GDA: variants seen among roughly 807,000 people sequenced by gnomAD.
The protein encoded by GDA is cytoplasmic PSD-95 interactor.
GDA carries 18 observed loss-of-function variants against 59.6 expected under a neutral mutation model. The observed-to-expected ratio is 0.30, with a 90% CI of 0.21 to 0.45. The LOEUF is 0.45. Ranked by LOEUF, GDA falls within the 20% of genes least tolerant of loss-of-function variation. The pLI is 1.00. For missense variants in GDA, 427 were observed against 552.3 expected (o/e 0.77, Z 2.27); for synonymous variants, 201 against 201.1 (o/e 1.00, Z 0.00).
intron 3 of GDA, among the ~76,000 whole-genome samples, chr9:72,203,270 G>A (rs1040838134): frequency 2.0e-5 from 3 of 152,086 alleles, no homozygotes; most frequent in Admixed American, 2.0e-4. Flanking sequence ...AAATGCCCAA[G>A]GAAATTTAAA....
At chr9:72,259,026 C>CT (rs377688657), downstream of GDA, among the ~76,000 whole-genome samples, 15,714 of 139,972 alleles carry the variant, frequency 0.11, 996 homozygotes, top group South Asian at 0.14. Context: ...AATAATAACT[C>CT]TTTTTTTTTT....
chr9:72,143,524 A>G (rs910402268), intron 1 of GDA, among the ~76,000 whole-genome samples: 1 of 152,138 alleles, frequency 6.6e-6, no homozygotes, highest in Non-Finnish European at 1.5e-5. Context: ...CAGCAGTATG[A>G]GTAGGTGATG....
intron 1 of GDA, among the ~76,000 whole-genome samples, chr9:72,133,725 A>G (rs1313968302): frequency 6.6e-6 from 1 of 152,218 alleles, no homozygotes; most frequent in Non-Finnish European, 1.5e-5. Flanking sequence ...CTTCTTAGAA[A>G]TATTCTCCCA....
chr9:72,135,791 A>C (rs1165639227), intron 1 of GDA, among the ~76,000 whole-genome samples: 1 of 151,920 alleles, frequency 6.6e-6, no homozygotes, highest in African/African-American at 2.4e-5. Flanking sequence ...TCGTGTCTTC[A>C]GTGGAGACGG....
At chr9:72,161,426 G>A (rs1385967538) in intron 1 of GDA, among the ~76,000 whole-genome samples, 1 of 152,096 alleles carries the variant, frequency 6.6e-6, no homozygotes, top group Non-Finnish European at 1.5e-5. Context: ...CCAGTTGTTT[G>A]AATAAGAACT....
chr9:72,129,304 A>G (rs893027478), intron 1 of GDA, among the ~76,000 whole-genome samples: 1 of 152,190 alleles, frequency 6.6e-6, no homozygotes, highest in Non-Finnish European at 1.5e-5. Context: ...TTTCAACAGA[A>G]TAGACCAGCA....
At chr9:72,220,353 G>T (rs1160965697) in intron 6 of GDA, among the ~76,000 whole-genome samples, 5 of 152,012 alleles carry the variant, frequency 3.3e-5, no homozygotes, top group Non-Finnish European at 7.4e-5. Context: ...GATTTTAGTG[G>T]ATTTGTTTAG....
chr9:72,250,661 T>C lies in GDA; in HGVS notation c.*2319T>C, dbSNP rs59105418. On this transcript the variant is annotated 3_prime_UTR_variant, in exon 14 of 14. Transcript: ENST00000358399. Reference sequence around the variant, plus strand: ...ACTTTGAAATGTTGCCTTTGCCTAATGTAGGTTGACTTTCTGAATTGTGGA... The same window carrying C: ...ACTTTGAAATGTTGCCTTTGCCTAACGTAGGTTGACTTTCTGAATTGTGGA... The C allele has an allele frequency of 1.1e-3, 1,778 of 1,607,820 alleles. 26 individuals carry two copies. The African/African-American group carries it at 0.021, about 19-fold the overall frequency.
intron 1 of GDA, among the ~76,000 whole-genome samples, chr9:72,123,384 C>T (rs1418791122): frequency 5.3e-5 from 8 of 151,594 alleles, no homozygotes; most frequent in African/African-American, 1.9e-4. Flanking sequence ...ATGGTTTCAC[C>T]GTGTTAGCCA....
Position 72,202,556 on chromosome 9 carries a change from C to T in GDA, c.213-15C>T, listed in dbSNP as rs377678116. 5 of 1,497,640 alleles carry T rather than the reference C, an allele frequency of 3.3e-6. No homozygotes were observed. The Admixed American group carries it at 6.0e-5, about 18-fold the overall frequency. 92.8% of individuals were successfully genotyped at this position (1,497,640 alleles called of 1,614,324 possible). On this transcript the variant is annotated splice_polypyrimidine_tract_variant and intron_variant, in intron 2 of 13. Coordinates refer to ENST00000358399, the MANE Select transcript of GDA (RefSeq NM_004293.5). ...AGATATTATTAAATACTTTTATTCT[C>T]ATCTTAATTTCCAGTGAGTTCTTCA...
At chr9:72,213,158 C>T (rs1033496832) in intron 4 of GDA, among the ~76,000 whole-genome samples, 1 of 152,206 alleles carries the variant, frequency 6.6e-6, no homozygotes, top group Admixed American at 6.5e-5. Flanking sequence ...ATCCAAGCTA[C>T]TCAGGAGGCT....
At chr9:72,242,223 C>T (rs1335388351) in intron 11 of GDA, among the ~76,000 whole-genome samples, 1 of 152,078 alleles carries the variant, frequency 6.6e-6, no homozygotes, top group African/African-American at 2.4e-5. Context: ...TGTATAAATC[C>T]CTGCCAAGAC....
upstream of GDA, among the ~76,000 whole-genome samples, chr9:72,148,164 A>G (rs941945877): frequency 5.9e-5 from 9 of 152,296 alleles, no homozygotes; most frequent in Admixed American, 5.2e-4. Context: ...GTAGTTGTCA[A>G]AATAGTTATT....
intron 3 of GDA, among the ~76,000 whole-genome samples, chr9:72,206,712 G>T (rs1441507278): frequency 6.6e-6 from 1 of 152,064 alleles, no homozygotes; most frequent in East Asian, 1.9e-4. Flanking sequence ...GGTGGAGGTT[G>T]CAGTGAGCCA....
chr9:72,169,896 A>G (rs527351593), intron 1 of GDA, among the ~76,000 whole-genome samples: 1 of 152,360 alleles, frequency 6.6e-6, no homozygotes, highest in South Asian at 2.1e-4. Context: ...TGCACCATAT[A>G]TGACAGACAA....
intron 10 of GDA, among the ~76,000 whole-genome samples, chr9:72,231,640 T>C (rs1269827628): frequency 2.6e-5 from 4 of 152,204 alleles, no homozygotes; most frequent in Admixed American, 6.5e-5. Context: ...GTTATCCCTG[T>C]TTATTATTCA....
chr9:72,150,294 C>T (rs1240785570), intron 1 of GDA, among the ~76,000 whole-genome samples: 1 of 151,496 alleles, frequency 6.6e-6, no homozygotes, highest in Non-Finnish European at 1.5e-5. Context: ...TTTCCTTCCT[C>T]TCTCTCTCTT....
intron 2 of GDA, among the ~76,000 whole-genome samples, chr9:72,199,024 T>G (rs1298946239): frequency 1.3e-5 from 2 of 152,142 alleles, no homozygotes; most frequent in Admixed American, 1.3e-4. Context: ...TACCTTCTGC[T>G]GCTGCCTTCA....
chr9:72,123,644 C>T (rs1183973777), intron 1 of GDA, among the ~76,000 whole-genome samples: 6 of 152,042 alleles, frequency 3.9e-5, no homozygotes, highest in Non-Finnish European at 7.4e-5. Flanking sequence ...TGCACCACCA[C>T]GCCCAGCTAA....
Sources: allele counts gnomAD v4.1 joint callset (sites outside exome capture counted in the v4.1 genomes callset), GRCh38; gene constraint gnomAD v4.1.1; transcripts MANE v1.5; gene names NCBI Gene and HGNC (gene_info 2026-07-23, HGNC 2026-07-21).